Variants in OPCML observed in about 807,000 individuals in gnomAD.
OPCML encodes the protein opioid-binding protein/cell adhesion molecule.
A neutral mutation model predicts 37.8 loss-of-function variants in OPCML; 13 were observed. The ratio of observed to expected loss-of-function variants is 0.34; its 90% confidence interval spans 0.22 to 0.55. The LOEUF is 0.55. OPCML is among the 20% of genes least tolerant of loss of function. The probability of loss-of-function intolerance (pLI) is 0.91; values close to 1 mark genes in which losing one functional copy is unlikely to be tolerated. For missense variants in OPCML, 341 were observed against 435.6 expected (o/e 0.78, Z 1.93); for synonymous variants, 176 against 168.8 (o/e 1.04, Z -0.33).
At chr11:133,422,856 T>C in intron 1 of OPCML, 2 of 936,648 alleles carry the variant, frequency 2.1e-6, no homozygotes, top group Non-Finnish European at 2.5e-6. Context: ...AAATCCTGAT[T>C]CTACACATAA....
At chr11:133,524,030 C>G (rs2120720299) in intron 1 of OPCML, among the ~76,000 whole-genome samples, 1 of 152,350 alleles carries the variant, frequency 6.6e-6, no homozygotes, top group South Asian at 2.1e-4. Context: ...GTCTCTCCCT[C>G]TGGACTGTAA....
chr11:133,081,912 C>G (rs1156552215), intron 1 of OPCML, among the ~76,000 whole-genome samples: 1 of 151,686 alleles, frequency 6.6e-6, no homozygotes, highest in African/African-American at 2.4e-5. Context: ...GAGGCCCTTT[C>G]TCTTCCAGGC....
At chr11:133,114,570 A>C (rs1229652451) in intron 1 of OPCML, among the ~76,000 whole-genome samples, 4 of 152,182 alleles carry the variant, frequency 2.6e-5, no homozygotes, top group African/African-American at 9.7e-5. Context: ...GATTACCTTC[A>C]AAACTTGCAA....
At chr11:133,464,264 A>T (rs1946925467) in intron 1 of OPCML, among the ~76,000 whole-genome samples, 1 of 152,218 alleles carries the variant, frequency 6.6e-6, no homozygotes, top group Non-Finnish European at 1.5e-5. Flanking sequence ...CCATTTTGTA[A>T]TCATTGTCTT....
chr11:132,619,824 T>C (rs1006091555), intron 3 of OPCML, among the ~76,000 whole-genome samples: 8 of 141,450 alleles, frequency 5.7e-5, no homozygotes, highest in Middle Eastern at 4.1e-3. Context: ...TGCACTCCAA[T>C]CTGGGTGACA....
chr11:132,457,378 A>T lies in OPCML; in HGVS notation c.506-20019T>A, dbSNP rs144369279. Among the ~76,000 whole-genome samples, 823 of 152,294 alleles carry T rather than the reference A, an allele frequency of 5.4e-3. 2 individuals carry two copies. Among genetic ancestry groups the T allele is most frequent in the African/African-American group, 0.018 (768 of 41,560 alleles). On this transcript the variant is annotated intron_variant, in intron 4 of 7. Coordinates refer to ENST00000524381, the MANE Select transcript of OPCML (RefSeq NM_001012393.5). The stretch of plus-strand genomic sequence containing the variant: ...GCTTACAATAGAGTTGTTCAGAAAG[A>T]CCAAACCTACACTGATACATTTACA...
At chr11:133,063,573 T>A (rs1293055285) in intron 1 of OPCML, among the ~76,000 whole-genome samples, 1 of 151,860 alleles carries the variant, frequency 6.6e-6, no homozygotes, top group Non-Finnish European at 1.5e-5. Context: ...TGTTGGTTTT[T>A]TTTTTCGGAG....
At chr11:132,792,972 G>A (rs922724483) in intron 2 of OPCML, among the ~76,000 whole-genome samples, 1 of 152,198 alleles carries the variant, frequency 6.6e-6, no homozygotes, top group Admixed American at 6.5e-5. Flanking sequence ...CGGATAGAGC[G>A]CCATTTACAT....
intron 2 of OPCML, among the ~76,000 whole-genome samples, chr11:132,809,745 C>T (rs142252210): frequency 0.016 from 2,437 of 152,154 alleles, 26 homozygotes; most frequent in Middle Eastern, 0.031. Context: ...CACATTCACC[C>T]CCACTTCACA....
At chr11:132,986,580 C>A (rs1192256291) in intron 1 of OPCML, among the ~76,000 whole-genome samples, 3 of 152,096 alleles carry the variant, frequency 2.0e-5, no homozygotes, top group African/African-American at 4.8e-5. Context: ...ACTCAATAAA[C>A]AGTTTTGAAT....
intron 4 of OPCML, among the ~76,000 whole-genome samples, chr11:132,498,781 T>C (rs1216060781): frequency 9.2e-6 from 1 of 108,200 alleles, no homozygotes; most frequent in African/African-American, 4.2e-5. Context: ...AGAACCCAAG[T>C]CCTGATGGTT....
chr11:133,409,514 T>C (rs538122275), intron 1 of OPCML, among the ~76,000 whole-genome samples: 57 of 152,310 alleles, frequency 3.7e-4, no homozygotes, highest in African/African-American at 1.4e-3. Flanking sequence ...TTACACTAGC[T>C]CTAATCACTA....
chr11:132,930,590 T>G (rs1323422654), intron 2 of OPCML, among the ~76,000 whole-genome samples: 1 of 151,626 alleles, frequency 6.6e-6, no homozygotes, highest in Non-Finnish European at 1.5e-5. Flanking sequence ...TCTGAAAACA[T>G]AAAAAAAATT....
rs191861463 is a variant in OPCML at position 132,486,450 on chromosome 11, T to A, written c.505+42611A>T. 5.3e-5 allele frequency among the ~76,000 whole-genome samples: 8 copies of A among 152,232 alleles called. No homozygotes were observed. In the East Asian group the frequency reaches 5.8e-4, roughly 11 times the overall value. On this transcript the variant is annotated intron_variant, in intron 4 of 7. Coordinates refer to ENST00000524381, the MANE Select transcript of OPCML (RefSeq NM_001012393.5). Reference sequence around the variant, plus strand: ...TTTTGAACTTCAGAACAGTTTTTTTTAAACCATACTTTTATAATCTTTTTA... The same window carrying A: ...TTTTGAACTTCAGAACAGTTTTTTTAAAACCATACTTTTATAATCTTTTTA...
chr11:133,527,670 A>G (rs1301767944), intron 1 of OPCML, among the ~76,000 whole-genome samples: 2 of 152,148 alleles, frequency 1.3e-5, no homozygotes, highest in African/African-American at 2.4e-5. Flanking sequence ...AAAAATTTAG[A>G]AGTGTTTATT....
At chr11:132,873,271 A>G (rs1942878162) in intron 2 of OPCML, among the ~76,000 whole-genome samples, 1 of 152,114 alleles carries the variant, frequency 6.6e-6, no homozygotes, top group African/African-American at 2.4e-5. Context: ...CTTTGGTTCA[A>G]TGTTTCTGTA....
chr11:132,871,440 G>A (rs1395149057), intron 2 of OPCML, among the ~76,000 whole-genome samples: 2 of 152,250 alleles, frequency 1.3e-5, no homozygotes, highest in African/African-American at 2.4e-5. Context: ...TATTCCCTAA[G>A]CAATGCAATA....
At chr11:133,458,203 T>C (rs187088910) in intron 1 of OPCML, among the ~76,000 whole-genome samples, 1,369 of 124,472 alleles carry the variant, frequency 0.011, 29 homozygotes, top group African/African-American at 0.065. Flanking sequence ...TATATACACG[T>C]GTGTGTATAT....
intron 1 of OPCML, among the ~76,000 whole-genome samples, chr11:133,046,303 ACAAG>A (rs1412503603): frequency 6.6e-6 from 1 of 152,194 alleles, no homozygotes; most frequent in Non-Finnish European, 1.5e-5. Context: ...GTTTACAGAG[ACAAG>A]CAAGAAGCAG....
Sources: allele counts gnomAD v4.1 joint callset (sites outside exome capture counted in the v4.1 genomes callset), GRCh38; gene constraint gnomAD v4.1.1; transcripts MANE v1.5; gene names NCBI Gene and HGNC (gene_info 2026-07-23, HGNC 2026-07-21).